AKAP13: variants seen among roughly 807,000 people sequenced by gnomAD.
The protein encoded by AKAP13 is A-kinase anchoring protein 13, also known as A-kinase anchor protein 13.
Under a neutral mutation model 264.5 loss-of-function variants are expected in AKAP13, and 80 were observed. That is an observed-to-expected ratio of 0.30 (90% confidence interval 0.25 to 0.36). The LOEUF (loss-of-function observed/expected upper bound fraction) is 0.36, where lower values mean the gene tolerates loss of function less well. Ranked by LOEUF, AKAP13 falls within the 10% of genes least tolerant of loss-of-function variation. AKAP13 has a pLI of 1.00. For missense variants in AKAP13, 3,712 were observed against 3,435.2 expected (o/e 1.08, Z -2.01); for synonymous variants, 1,380 against 1,250.2 (o/e 1.10, Z -2.19).
intron 14 of AKAP13, among the ~76,000 whole-genome samples, chr15:85,681,727 G>C (rs146966111): frequency 1.3e-5 from 2 of 151,006 alleles, no homozygotes; most frequent in African/African-American, 4.9e-5. Flanking sequence ...AGATGAGCTA[G>C]ATCTTATAGA....
At chr15:85,544,934 T>A (rs896812777) in intron 5 of AKAP13, among the ~76,000 whole-genome samples, 1 of 152,250 alleles carries the variant, frequency 6.6e-6, no homozygotes, top group Non-Finnish European at 1.5e-5. Context: ...GTGTATATAG[T>A]CTGGAAGGAC....
intron 3 of AKAP13, among the ~76,000 whole-genome samples, chr15:85,528,719 C>CT (rs1567107574): frequency 1.3e-5 from 2 of 152,118 alleles, no homozygotes; most frequent in African/African-American, 4.8e-5. Flanking sequence ...TGGGAGCAGA[C>CT]TTCTCCCACC....
At chr15:85,705,392 A>G (rs12437656) in intron 17 of AKAP13, among the ~76,000 whole-genome samples, 14,426 of 152,246 alleles carry the variant, frequency 0.095, 829 homozygotes, top group East Asian at 0.21. Context: ...TCTCCAGCAA[A>G]TCTGCCACCT....
chr15:85,567,154 C>G (rs1196259044), intron 5 of AKAP13, among the ~76,000 whole-genome samples: 2 of 152,070 alleles, frequency 1.3e-5, no homozygotes, highest in South Asian at 4.1e-4. Context: ...TGTTGCCAGG[C>G]TAGAGTGCAA....
intron 12 of AKAP13, 136 bp from the exon 13 acceptor site, chr15:85,664,427 G>A: frequency 1.3e-6 from 1 of 783,766 alleles, no homozygotes; most frequent in Non-Finnish European, 2.0e-6. Context: ...TTTGTGCCAT[G>A]CCCTTTTAGA....
rs1419726056 is a variant in AKAP13, at chr15:85,579,720, C to T, written c.1652C>T (p.Ser551Phe). 6.2e-7 allele frequency: 1 copy of T among 1,614,232 alleles called. No homozygotes were observed. Residue 551 changes from serine (S) to phenylalanine (F), a missense_variant, in exon 7 of 37, where the codon TCT (serine) becomes TTT (phenylalanine). Physicochemically the swap from Ser to Phe is radical, Grantham distance 155. Around this residue, in one of 3 missense-constraint regions of AKAP13, gnomAD observed 2,759 missense variants for 2,411.7 expected, o/e 1.14. Transcript: ENST00000394518. ...CTGGATGGTAACAAACCTGCTGAGTCTTCACTTGCATTTAGTAATGAAGAA... is the reference window on the plus strand; with the variant it reads ...CTGGATGGTAACAAACCTGCTGAGTTTTCACTTGCATTTAGTAATGAAGAA... ...SSLDGNKPAE[S>F]SLAFSNEETS...
chr15:85,727,266 C>T lies in AKAP13; in HGVS notation c.7004+19C>T. 6.2e-7 allele frequency: 1 copy of T among 1,613,808 alleles called. No individual in the cohort carries two copies. The highest frequency in any genetic ancestry group is 8.5e-7 in the Non-Finnish European group (1 of 1,179,812). On this transcript the variant is annotated intron_variant, in intron 28 of 36. Coordinates refer to ENST00000394518, the MANE Select transcript of AKAP13 (RefSeq NM_007200.5). The surrounding 1 kb of genome is among the most constrained non-coding windows in gnomAD (Gnocchi z 5.3). ...ACACCCTGTAAGTTAACCACCAGGCCCCACCCTTCCCAGCCCTCCTGATGT... is the reference window on the plus strand; with the variant it reads ...ACACCCTGTAAGTTAACCACCAGGCTCCACCCTTCCCAGCCCTCCTGATGT...
intron 5 of AKAP13, among the ~76,000 whole-genome samples, chr15:85,556,072 T>G (rs1355758783): frequency 6.6e-6 from 1 of 152,126 alleles, no homozygotes; most frequent in South Asian, 2.1e-4. Flanking sequence ...GCACATAAGT[T>G]TTAGAGTTAG....
intron 1 of AKAP13, among the ~76,000 whole-genome samples, chr15:85,419,020 CTT>C (rs2072383543): frequency 6.6e-6 from 1 of 152,130 alleles, no homozygotes; most frequent in Non-Finnish European, 1.5e-5. Context: ...GGATGCCACC[CTT>C]AAGGGTTTAA....
intron 5 of AKAP13, among the ~76,000 whole-genome samples, chr15:85,552,735 C>G (rs2078003265): frequency 6.8e-6 from 1 of 146,616 alleles, no homozygotes; most frequent in African/African-American, 2.5e-5. Context: ...TCAAGTGATT[C>G]TTTTGCCTCA....
In AKAP13 at chr15:85,392,401, T is replaced by C. The variant is rs1166953201; in HGVS notation, c.-12+11603T>C. On this transcript the variant is annotated intron_variant, in intron 1 of 36. Transcript: ENST00000394518. ...TCCTGAGTAGCTGGGACTACAGGCGTGCACCACCACGCCCGGCTAATTTTT... is the reference window on the plus strand; with the variant it reads ...TCCTGAGTAGCTGGGACTACAGGCGCGCACCACCACGCCCGGCTAATTTTT... Among the ~76,000 whole-genome samples, 4 of 151,562 alleles carry C rather than the reference T, an allele frequency of 2.6e-5. No individual in the cohort carries two copies. The East Asian group carries it at 7.7e-4, about 29-fold the overall frequency.
intron 1 of AKAP13, among the ~76,000 whole-genome samples, chr15:85,394,282 A>G (rs560580592): frequency 3.3e-5 from 5 of 152,294 alleles, no homozygotes; most frequent in South Asian, 2.1e-4. Context: ...GCTCATATCA[A>G]ACATGTTTTT....
intron 8 of AKAP13, among the ~76,000 whole-genome samples, chr15:85,614,918 C>G (rs746196149): frequency 2.0e-5 from 3 of 152,212 alleles, no homozygotes; most frequent in Admixed American, 6.5e-5. Flanking sequence ...GTTAATAAAT[C>G]TTGCTCCAGA....
chr15:85,727,013 A>C lies in AKAP13; in HGVS notation c.6823-53A>C, dbSNP rs1426550596. On this transcript the variant is annotated intron_variant, in intron 27 of 36. Transcript: ENST00000394518. The surrounding 1 kb of genome is among the most constrained non-coding windows in gnomAD (Gnocchi z 5.3). ...TTACCTTAGATTGAAGCTGTCCTTC[A>C]GAGTTAGAATATTGTATATGTATCT... is the stretch of plus-strand genomic sequence containing the variant. 1.9e-6 allele frequency: 3 copies of C among 1,594,750 alleles called. No homozygotes were observed. Among genetic ancestry groups the C allele is most frequent in the Non-Finnish European group, 2.6e-6 (3 of 1,165,044 alleles).
At chr15:85,733,657 T>C (rs2088209198) in intron 30 of AKAP13, among the ~76,000 whole-genome samples, 2 of 152,172 alleles carry the variant, frequency 1.3e-5, no homozygotes, top group Admixed American at 1.3e-4. Flanking sequence ...TTTTGATCTC[T>C]TCATCTTTTT....
intron 8 of AKAP13, among the ~76,000 whole-genome samples, chr15:85,637,722 A>G (rs563608893): frequency 5.9e-5 from 9 of 152,084 alleles, no homozygotes; most frequent in African/African-American, 2.2e-4. Flanking sequence ...CACTGATTTG[A>G]AACCTTATGT....
intron 1 of AKAP13, among the ~76,000 whole-genome samples, chr15:85,413,811 G>A (rs1178919548): frequency 1.3e-5 from 2 of 152,014 alleles, no homozygotes; most frequent in Non-Finnish European, 2.9e-5. Context: ...AGTATCCCAC[G>A]TGCCCTACTA....
intron 16 of AKAP13, among the ~76,000 whole-genome samples, chr15:85,688,687 C>T (rs1377770893): frequency 6.6e-6 from 1 of 152,156 alleles, no homozygotes; most frequent in East Asian, 1.9e-4. Context: ...AGGAGGGTAA[C>T]ATATTTTGTC....
intron 1 of AKAP13, among the ~76,000 whole-genome samples, chr15:85,457,787 G>T (rs1009421322): frequency 3.3e-5 from 5 of 152,194 alleles, no homozygotes; most frequent in African/African-American, 9.7e-5. Flanking sequence ...TTCACGAAGA[G>T]AGATTTGAAT....
Sources: allele counts gnomAD v4.1 joint callset (sites outside exome capture counted in the v4.1 genomes callset), GRCh38; gene constraint gnomAD v4.1.1; regional missense constraint gnomAD v4.1.1; non-coding constraint Gnocchi (gnomAD v3.1); transcripts MANE v1.5; gene names NCBI Gene and HGNC (gene_info 2026-07-23, HGNC 2026-07-21).